INPP4B: variants seen among roughly 807,000 people sequenced by gnomAD.
INPP4B encodes the protein inositol polyphosphate-4-phosphatase type II B.
In INPP4B, 55 loss-of-function variants were observed where a neutral mutation model predicts 122.5. The ratio of observed to expected loss-of-function variants is 0.45; its 90% CI spans 0.36 to 0.56. The LOEUF (loss-of-function observed/expected upper bound fraction) is 0.56, where lower values mean the gene tolerates loss of function less well. Ranked by LOEUF, INPP4B falls within the 20% of genes least tolerant of loss-of-function variation. INPP4B has a pLI of 0.00. For synonymous variants in INPP4B, 403 were observed against 388.7 expected (o/e 1.04, Z -0.43); for missense variants, 1,000 against 1,097.7 (o/e 0.91, Z 1.26).
At chr4:142,039,931 A>C (rs978808271) in intron 25 of INPP4B, among the ~76,000 whole-genome samples, 14 of 148,370 alleles carry the variant, frequency 9.4e-5, no homozygotes, top group South Asian at 4.2e-4. Context: ...ATTGTTTAAA[A>C]TGTGTGCCCA....
At chr4:142,620,991 CA>C (rs1042829901) in intron 2 of INPP4B, among the ~76,000 whole-genome samples, 3 of 151,438 alleles carry the variant, frequency 2.0e-5, no homozygotes, top group African/African-American at 7.3e-5. Flanking sequence ...ATTAAAATAT[CA>C]AAAAAACCTT....
At chr4:142,652,034 G>C (rs896051496) in intron 2 of INPP4B, among the ~76,000 whole-genome samples, 1 of 152,158 alleles carries the variant, frequency 6.6e-6, no homozygotes, top group Non-Finnish European at 1.5e-5. Context: ...TATCAGGTCA[G>C]CTTCATCCCT....
chr4:142,698,899 T>C (rs532805991), intron 2 of INPP4B, among the ~76,000 whole-genome samples: 1 of 152,166 alleles, frequency 6.6e-6, no homozygotes, highest in Non-Finnish European at 1.5e-5. Context: ...TCTAGCTCAA[T>C]AATTTTTTAC....
intron 7 of INPP4B, among the ~76,000 whole-genome samples, chr4:142,317,946 A>AT (rs887771775): frequency 2.0e-5 from 3 of 152,176 alleles, no homozygotes; most frequent in African/African-American, 7.2e-5. Context: ...ATAGAAGTGG[A>AT]GTTTTATTCC....
At chr4:142,531,285 G>A (rs1827582185) in intron 2 of INPP4B, among the ~76,000 whole-genome samples, 1 of 151,766 alleles carries the variant, frequency 6.6e-6, no homozygotes, top group Admixed American at 6.6e-5. Context: ...AAAAAAGAAG[G>A]AAGAAAGAAA....
chr4:142,403,516 A>G (rs1187657269), intron 6 of INPP4B, among the ~76,000 whole-genome samples: 1 of 152,076 alleles, frequency 6.6e-6, no homozygotes, highest in Non-Finnish European at 1.5e-5. Context: ...GATAGTGTCC[A>G]TTTGTTTTTA....
chr4:142,639,006 A>T (rs748203007), intron 2 of INPP4B, among the ~76,000 whole-genome samples: 2 of 152,068 alleles, frequency 1.3e-5, no homozygotes, highest in African/African-American at 2.4e-5. Flanking sequence ...GTTTAGTCAA[A>T]TTTTTTTGTT....
chr4:142,314,873 G>T, intron 7 of INPP4B, 111 bp from the exon 8 acceptor site: 1 of 837,496 alleles, frequency 1.2e-6, no homozygotes, highest in Non-Finnish European at 1.9e-6. Context: ...AGACTCTGTG[G>T]TTAATCATTA....
At chr4:142,062,772 A>AACAG (rs756939768) in intron 25 of INPP4B, among the ~76,000 whole-genome samples, 10 of 136,758 alleles carry the variant, frequency 7.3e-5, no homozygotes, top group South Asian at 2.2e-4. Flanking sequence ...CAAACAAACA[A>AACAG]ACAGACAAAC....
chr4:142,832,840 G>A (rs1446952805), intron 1 of INPP4B, among the ~76,000 whole-genome samples: 2 of 150,830 alleles, frequency 1.3e-5, no homozygotes, highest in Admixed American at 6.6e-5. Context: ...TTTCACAAAA[G>A]AATGTCAAGT....
At position 142,676,123 on chromosome 4, in the gene INPP4B, T is replaced by C. The variant is rs372968898; in HGVS notation, c.-191+49716A>G. On this transcript the variant is annotated intron_variant, in intron 2 of 25. Coordinates refer to ENST00000262992, the MANE Select transcript of INPP4B (RefSeq NM_001101669.3). ...CCATTGTCTCAGCTCAGAATCTCCT[T>C]AAGCTGATAAGCAACTTCAGCAAAA... Among the ~76,000 whole-genome samples, 38 of 152,310 alleles carry C rather than the reference T, an allele frequency of 2.5e-4. 1 individual carries two copies. Among genetic ancestry groups the C allele is most frequent in the African/African-American group, 8.9e-4 (37 of 41,570 alleles).
chr4:142,090,285 T>C (rs1194465605), intron 23 of INPP4B, among the ~76,000 whole-genome samples: 1 of 75,812 alleles, frequency 1.3e-5, no homozygotes, highest in Admixed American at 1.9e-4. Context: ...ACAAGAAAAG[T>C]AATTTTGATT....
chr4:142,674,390 C>G lies in INPP4B; in HGVS notation c.-191+51449G>C, dbSNP rs60006408. Among the ~76,000 whole-genome samples the G allele has an allele frequency of 1.4e-3, 215 of 152,146 alleles. 2 individuals carry two copies. The East Asian group carries it at 0.02, about 14-fold the overall frequency. On this transcript the variant is annotated intron_variant, in intron 2 of 25. Coordinates refer to ENST00000262992, the MANE Select transcript of INPP4B (RefSeq NM_001101669.3). ...TAGGCTTATGCAGCCTTTGCATTTC[C>G]CCAGCTATTTAAGATGTTAACTCCT... is the stretch of plus-strand genomic sequence containing the variant.
intron 6 of INPP4B, among the ~76,000 whole-genome samples, 200 bp from the exon 7 acceptor site, chr4:142,403,254 C>G (rs1802241356): frequency 2.0e-5 from 3 of 152,186 alleles, no homozygotes. Flanking sequence ...GATACAACTG[C>G]TGATAGTAAA....
chr4:142,686,964 C>T lies in INPP4B; in HGVS notation c.-191+38875G>A, dbSNP rs1165772634. Among the ~76,000 whole-genome samples the T allele has an allele frequency of 4.0e-5, 6 of 151,132 alleles. No individual in the cohort carries two copies. The South Asian group carries it at 1.3e-3, about 32-fold the overall frequency. ...CTTAGGAGTAAAATAGATTTTGGGG[C>T]GAAAAAAGGCAAGGTATTCTTTTTG... On this transcript the variant is annotated intron_variant, in intron 2 of 25. Coordinates refer to ENST00000262992, the MANE Select transcript of INPP4B (RefSeq NM_001101669.3).
At chr4:142,208,647 T>A in intron 13 of INPP4B, 118 bp from the exon 14 acceptor site, 2 of 549,664 alleles carry the variant, frequency 3.6e-6, no homozygotes, top group South Asian at 7.9e-5. Flanking sequence ...ACATATCCTA[T>A]ATTTATGAGT....
chr4:142,827,630 A>C (rs988424435), intron 1 of INPP4B, among the ~76,000 whole-genome samples: 1 of 152,168 alleles, frequency 6.6e-6, no homozygotes, highest in African/African-American at 2.4e-5. Flanking sequence ...AGAGTCAGAA[A>C]TATATTTCCT....
At chr4:142,253,270 G>A (rs1429622974) in intron 11 of INPP4B, among the ~76,000 whole-genome samples, 3 of 152,174 alleles carry the variant, frequency 2.0e-5, no homozygotes, top group Non-Finnish European at 2.9e-5. Context: ...ACATACTACC[G>A]TAGACTTGGT....
At chr4:142,409,633 C>T (rs1033987837) in intron 5 of INPP4B, among the ~76,000 whole-genome samples, 21 of 152,136 alleles carry the variant, frequency 1.4e-4, no homozygotes, top group African/African-American at 3.6e-4. Context: ...GGAAAGCTTA[C>T]ACTATGTCAT....
Sources: gnomAD v4.1 joint callset for allele counts (sites outside exome capture counted in the v4.1 genomes callset) on GRCh38, gnomAD v4.1.1 for gene constraint, MANE v1.5 for transcripts, NCBI Gene and HGNC (gene_info 2026-07-23, HGNC 2026-07-21) for gene names.